Variants in SEMA6B observed in about 807,000 individuals in gnomAD.
SEMA6B encodes the protein semaphorin-6B.
SEMA6B carries 47 observed loss-of-function variants against 78.6 expected under a neutral mutation model. That is an observed-to-expected ratio of 0.60 (90% CI 0.47 to 0.76). The LOEUF (loss-of-function observed/expected upper bound fraction) is 0.76, where lower values mean the gene tolerates loss of function less well. SEMA6B is among the 30% of genes least tolerant of loss of function. The pLI, the probability that SEMA6B is intolerant of heterozygous loss-of-function variation, is 0.00. For synonymous variants in SEMA6B, 632 were observed against 592.2 expected, an observed-to-expected ratio of 1.07 and a Z score of -0.98; for missense variants, 1,213 against 1,269.9, an observed-to-expected ratio of 0.96 and a Z score of 0.68.
Position 4,550,128 on chromosome 19 carries a change from C to G in SEMA6B, c.1266G>C (p.Leu422=). The G allele has an allele frequency of 1.2e-6, 2 of 1,613,726 alleles. No individual in the cohort carries two copies. Among genetic ancestry groups the G allele is most frequent in the South Asian group, 2.2e-5 (2 of 91,072 alleles). The change falls in exon 12 of 17, where the codon CTG becomes CTC. Residue 422 remains leucine (L), a synonymous_variant. Coordinates refer to ENST00000586582, the MANE Select transcript of SEMA6B (RefSeq NM_032108.4). This position sits in a 1 kb window ranked among gnomAD's most constrained non-coding sequence, Gnocchi z 6.6. ...LGHAPWILRT[L]MRHQLTRVAV... The stretch of plus-strand genomic sequence containing the variant: ...CCTGCCTCTCCAGGACCGACCTCAT[C>G]AGGGTCCGCAGGATCCAGGGCGCAT...
At chr19:4,551,624 G>A (rs1977334430) in intron 10 of SEMA6B, among the ~76,000 whole-genome samples, 1 of 151,776 alleles carries the variant, frequency 6.6e-6, no homozygotes, top group Admixed American at 6.5e-5. Flanking sequence ...GAGGTCAGGA[G>A]TTTGAGTCCA....
At position 4,550,644 on chromosome 19, in the gene SEMA6B, G is replaced by A. The variant is rs1438622355; in HGVS notation, c.1121+155C>T. ...CTCCCAAAGGGCTAGGATTACAGGC[G>A]TGAGCCACCACACCAGGCCTCAGTT... On this transcript the variant is annotated intron_variant, in intron 11 of 16. Transcript: ENST00000586582. The surrounding 1 kb of genome is among the most constrained non-coding windows in gnomAD (Gnocchi z 6.6). Among the ~76,000 whole-genome samples, 5 of 152,144 alleles carry A rather than the reference G, an allele frequency of 3.3e-5. No individual in the cohort carries two copies. Among genetic ancestry groups the A allele is most frequent in the African/African-American group, 9.7e-5 (4 of 41,440 alleles).
rs1568254935 is a variant in SEMA6B at position 4,550,238 on chromosome 19, T to C, written c.1156A>G (p.Asn386Asp). 2 of 1,613,522 alleles carry C rather than the reference T, an allele frequency of 1.2e-6. No individual in the cohort carries two copies. The highest frequency in any genetic ancestry group is 4.5e-5 in the East Asian group (2 of 44,852). The part of the protein sequence containing the change: ...GCCAAPGMQY[N>D]ASSALPDDIL... Reference sequence around the variant, plus strand: ...TCATCCGGCAAGGCGCTGGAGGCATTGTACTGCATCCCGGGGGCTGCGCAG... The same window carrying C: ...TCATCCGGCAAGGCGCTGGAGGCATCGTACTGCATCCCGGGGGCTGCGCAG... The change falls in exon 12 of 17, where the codon AAT becomes GAT. Residue 386 changes from asparagine (N) to aspartate (D), a missense_variant. Coordinates refer to ENST00000586582, the MANE Select transcript of SEMA6B (RefSeq NM_032108.4). This position sits in a 1 kb window ranked among gnomAD's most constrained non-coding sequence, Gnocchi z 6.6.
chr19:4,556,213 C>T (rs952619379), intron 5 of SEMA6B, 124 bp from the exon 6 acceptor site: 89 of 696,322 alleles, frequency 1.3e-4, no homozygotes, highest in South Asian at 2.7e-4. Flanking sequence ...AAGGCAGGGG[C>T]TGAACCTAGG....
In SEMA6B at chr19:4,544,138, G is replaced by A. The variant is rs776785662; in HGVS notation, c.2130C>T (p.Pro710=). The part of the protein sequence containing the change: ...HDLDSGLLPT[P]EQTPLPQKRL... ...GCTTCTGCGGCAGCGGCGTCTGCTC[G>A]GGCGTGGGCAGCAGCCCCGAGTCCA... The change falls in exon 17 of 17, where the codon CCC becomes CCT. Residue 710 remains proline, a synonymous_variant. Coordinates refer to ENST00000586582, the MANE Select transcript of SEMA6B (RefSeq NM_032108.4). The surrounding 1 kb of genome is among the most constrained non-coding windows in gnomAD (Gnocchi z 5.1). The A allele has an allele frequency of 9.4e-6, 12 of 1,273,018 alleles. 1 individual carries two copies. The South Asian group carries it at 2.6e-4, about 28-fold the overall frequency. The allele number at this position is 1,273,018 out of a possible 1,614,324, so 78.9% of individuals were successfully genotyped here. A position where few individuals can be genotyped will look rare whatever the true frequency, so the allele number is the denominator to read the frequency against.
rs542408969 is a variant in SEMA6B at position 4,542,887 on chromosome 19, C to T, written c.*714G>A. ...CTGCCTGAAACCCCGGCATTGTCCCCGCTTCCCTCTGCAGAGTGGGGGGGG... is the reference window on the plus strand; with the variant it reads ...CTGCCTGAAACCCCGGCATTGTCCCTGCTTCCCTCTGCAGAGTGGGGGGGG... On this transcript the variant is annotated 3_prime_UTR_variant, in exon 17 of 17. Coordinates refer to ENST00000586582, the MANE Select transcript of SEMA6B (RefSeq NM_032108.4). 53 of 701,424 alleles carry T rather than the reference C, an allele frequency of 7.6e-5. No individual in the cohort carries two copies. The Admixed American group carries it at 8.0e-4, about 11-fold the overall frequency. The allele number at this position is 701,424 out of a possible 1,614,324, so 43.5% of individuals were successfully genotyped here. A position where few individuals can be genotyped will look rare whatever the true frequency, so the allele number is the denominator to read the frequency against.
At chr19:4,551,937 A>G (rs1433089189) in intron 10 of SEMA6B, among the ~76,000 whole-genome samples, 1 of 152,080 alleles carries the variant, frequency 6.6e-6, no homozygotes. Context: ...TCAGGGAAAA[A>G]GTCCAAGTTT....
intron 15 of SEMA6B, 34 bp from the exon 16 acceptor site, chr19:4,546,308 C>G (rs1977164682): frequency 1.2e-6 from 2 of 1,610,556 alleles, no homozygotes; most frequent in East Asian, 2.2e-5. Flanking sequence ...CAGCAGAGGC[C>G]CCTCTCACAG....
chr19:4,546,326 T>A (rs769229176), intron 15 of SEMA6B, 52 bp from the exon 16 acceptor site: 1 of 1,604,170 alleles, frequency 6.2e-7, no homozygotes, highest in Admixed American at 1.7e-5. Flanking sequence ...CAGTCAGAGA[T>A]CAGGGGGATC....
At chr19:4,558,000 G>A in intron 3 of SEMA6B, 26 bp downstream of exon 3, 5 of 1,354,950 alleles carry the variant, frequency 3.7e-6, no homozygotes, top group Non-Finnish European at 4.8e-6. Context: ...TCGTCACACA[G>A]GCCTCCTTGC....
Position 4,554,388 on chromosome 19 carries a change from C to T in SEMA6B, c.771G>A (p.Lys257=). 6.2e-7 allele frequency: 1 copy of T among 1,613,072 alleles called. No homozygotes were observed. Among genetic ancestry groups the T allele is most frequent in the Non-Finnish European group, 8.5e-7 (1 of 1,179,162 alleles). Residue 257 remains lysine, a splice_region_variant and synonymous_variant, in exon 9 of 17, where the codon AAG becomes AAA. Transcript: ENST00000586582. ...EIAMEFNYLE[K]VVVSRVARVC... The stretch of plus-strand genomic sequence containing the variant: ...TCATGCCCCACTGCACCGGCCTCAC[C>T]TTCTCCAGGTAGTTAAACTCCATCG...
At chr19:4,556,740 C>G (rs1346593842) in intron 5 of SEMA6B, among the ~76,000 whole-genome samples, 1 of 147,628 alleles carries the variant, frequency 6.8e-6, no homozygotes, top group Admixed American at 7.0e-5. Flanking sequence ...GGAGGCCGGG[C>G]TAGGACCAAT....
rs541450148 is a variant in SEMA6B at position 4,558,096 on chromosome 19, C to T, written c.175G>A (p.Ala59Thr). The T allele has an allele frequency of 1.7e-5, 26 of 1,534,874 alleles. No homozygotes were observed. The highest frequency in any genetic ancestry group is 5.7e-5 in the Admixed American group (3 of 52,986). ...ATGTTGAGGTCGTCAGCACCTTCTG[C>T]GGGGGTCAGGCGTCCGGGCCCGCTG... ...VGSGPGRLTP[A>T]EGADDLNIQR... The change falls in exon 3 of 17, where the codon GCA becomes ACA. Residue 59 changes from alanine to threonine, a missense_variant. Physicochemically the swap from Ala to Thr is moderately conservative, Grantham distance 58. Coordinates refer to ENST00000586582, the MANE Select transcript of SEMA6B (RefSeq NM_032108.4). This position sits in a 1 kb window ranked among gnomAD's most constrained non-coding sequence, Gnocchi z 5.1.
intron 8 of SEMA6B, among the ~76,000 whole-genome samples, chr19:4,554,734 A>G (rs745691188): frequency 6.6e-6 from 1 of 152,194 alleles, no homozygotes; most frequent in South Asian, 2.1e-4. Context: ...GAGTCCTGCT[A>G]TATCTTTTCT....
At position 4,550,847 on chromosome 19, in the gene SEMA6B, G is replaced by A. The variant is rs762390148; in HGVS notation, c.1073C>T (p.Pro358Leu). 1.9e-6 allele frequency: 3 copies of A among 1,613,552 alleles called. No individual in the cohort carries two copies. The South Asian group carries it at 3.3e-5, about 18-fold the overall frequency. The change falls in exon 11 of 17, where the codon CCC (proline) becomes CTC (leucine). Residue 358 changes from proline to leucine, a missense_variant. Physicochemically the swap from Pro to Leu is moderately conservative, Grantham distance 98. Transcript: ENST00000586582. This position sits in a 1 kb window ranked among gnomAD's most constrained non-coding sequence, Gnocchi z 6.6. ...CGGCACCGGCGTCCAGATGGACTCG[G>A]GGGACTTCTGCTCTCGGAAGCGGCC... is the stretch of plus-strand genomic sequence containing the variant. ...FEGRFREQKS[P>L]ESIWTPVPED...
intron 5 of SEMA6B, among the ~76,000 whole-genome samples, chr19:4,556,581 T>C (rs994254319): frequency 2.7e-5 from 4 of 146,712 alleles, no homozygotes; most frequent in African/African-American, 7.6e-5. Context: ...CCTGATCGAT[T>C]GGGTGGGGAG....
rs200525485 is a variant in SEMA6B at position 4,552,604 on chromosome 19, G to A, written c.807C>T (p.Asn269=). 42 of 1,611,808 alleles carry A rather than the reference G, an allele frequency of 2.6e-5. 1 individual carries two copies. Among genetic ancestry groups the A allele is most frequent in the African/African-American group, 2.3e-4 (17 of 75,004 alleles). Reference sequence around the variant, plus strand: ...GCACGCGGGGGGAGCCTCCCACGTCGTTCTTGCACACTCGGGCCACGCGGG... The same window carrying A: ...GCACGCGGGGGGAGCCTCCCACGTCATTCTTGCACACTCGGGCCACGCGGG... ...VVSRVARVCK[N]DVGGSPRVLE... is the part of the protein sequence containing the mutation. The change falls in exon 10 of 17, where the codon AAC becomes AAT. Residue 269 remains asparagine (N), a synonymous_variant. Coordinates refer to ENST00000586582, the MANE Select transcript of SEMA6B (RefSeq NM_032108.4). This position sits in a 1 kb window ranked among gnomAD's most constrained non-coding sequence, Gnocchi z 7.4.
intron 10 of SEMA6B, among the ~76,000 whole-genome samples, chr19:4,551,866 A>C (rs1213418763): frequency 6.6e-6 from 1 of 151,800 alleles, no homozygotes; most frequent in Non-Finnish European, 1.5e-5. Context: ...CAAACAAACA[A>C]AAAATGCAAA....
chr19:4,554,247 T>C (rs909603599), intron 9 of SEMA6B, 141 bp downstream of exon 9: 2 of 682,728 alleles, frequency 2.9e-6, no homozygotes, highest in African/African-American at 3.6e-5. Context: ...GGCCTGATCA[T>C]GGCTGGAAAG....
Sources: allele counts gnomAD v4.1 joint callset (sites outside exome capture counted in the v4.1 genomes callset), GRCh38; gene constraint gnomAD v4.1.1; non-coding constraint Gnocchi (gnomAD v3.1); transcripts MANE v1.5; gene names NCBI Gene and HGNC (gene_info 2026-07-23, HGNC 2026-07-21).